Variants in CDK17 observed in about 807,000 individuals in gnomAD.
CDK17 encodes cyclin-dependent kinase 17.
Under a neutral mutation model 77.6 loss-of-function variants are expected in CDK17, and 24 were observed. The ratio of observed to expected loss-of-function variants is 0.31; its 90% CI spans 0.22 to 0.44. The LOEUF (loss-of-function observed/expected upper bound fraction) is 0.44. Ranked by LOEUF, CDK17 falls within the 20% of genes least tolerant of loss-of-function variation. The pLI, the probability that CDK17 is intolerant of heterozygous loss-of-function variation, is 1.00. For synonymous variants in CDK17, 203 were observed against 210.4 expected (o/e 0.96, Z 0.30); for missense variants, 429 against 622.5 (o/e 0.69, Z 3.31).
At chr12:96,326,146 A>G (rs2137129272) in intron 2 of CDK17, among the ~76,000 whole-genome samples, 1 of 152,350 alleles carries the variant, frequency 6.6e-6, no homozygotes, top group Admixed American at 6.5e-5. Flanking sequence ...ACAACATTTT[A>G]GTTGCTCTGT....
Position 96,280,434 on chromosome 12 carries a change from G to A in CDK17, c.1535-155C>T, listed in dbSNP as rs1396364898. The A allele has an allele frequency of 1.5e-5, 21 of 1,436,102 alleles. No homozygotes were observed. The East Asian group carries it at 1.5e-4, about 10-fold the overall frequency. The allele number at this position is 1,436,102 out of a possible 1,614,324, so 89.0% of individuals were successfully genotyped here. On this transcript the variant is annotated intron_variant, in intron 16 of 16. Transcript: ENST00000261211. The stretch of plus-strand genomic sequence containing the variant: ...TGTCTTAAATGACCCTTCTGTTGAC[G>A]GGGTCAGTCTACAGCTTCTATGCTT...
At chr12:96,295,598 G>T (rs186081100) in intron 9 of CDK17, among the ~76,000 whole-genome samples, 1 of 151,872 alleles carries the variant, frequency 6.6e-6, no homozygotes. Flanking sequence ...CACTGGAATT[G>T]GCGATTTTAT....
chr12:96,381,703 A>C (rs1282435765), intron 1 of CDK17, among the ~76,000 whole-genome samples: 2 of 152,092 alleles, frequency 1.3e-5, no homozygotes, highest in African/African-American at 4.8e-5. Context: ...AAAATATATT[A>C]CAAAGCATTG....
chr12:96,365,079 AAATT>A (rs1404990200), intron 1 of CDK17, among the ~76,000 whole-genome samples: 2 of 152,210 alleles, frequency 1.3e-5, no homozygotes, highest in Non-Finnish European at 2.9e-5. Flanking sequence ...TTATCCATAA[AAATT>A]AAAGAGTTTT....
intron 1 of CDK17, among the ~76,000 whole-genome samples, chr12:96,389,700 T>C (rs1954036249): frequency 6.6e-6 from 1 of 152,192 alleles, no homozygotes; most frequent in Middle Eastern, 3.2e-3. Context: ...TCCCACAAAT[T>C]ATGAAAATTC....
At chr12:96,379,063 G>T (rs899405620) in intron 1 of CDK17, among the ~76,000 whole-genome samples, 4 of 151,726 alleles carry the variant, frequency 2.6e-5, no homozygotes, top group South Asian at 2.1e-4. Context: ...GAAAGAAAAA[G>T]ATATTAATTT....
At chr12:96,399,805 G>A (rs1206804518) in intron 1 of CDK17, among the ~76,000 whole-genome samples, 181 bp downstream of exon 1, 5 of 151,914 alleles carry the variant, frequency 3.3e-5, no homozygotes. Context: ...CTGGACCGGA[G>A]AGGTGACAGG....
At chr12:96,300,116 T>C (rs574495899) in intron 6 of CDK17, among the ~76,000 whole-genome samples, 188 bp downstream of exon 6, 2 of 152,274 alleles carry the variant, frequency 1.3e-5, no homozygotes, top group Admixed American at 6.5e-5. Context: ...CCTCTCAAAC[T>C]GATGGGATAA....
chr12:96,399,438 C>T (rs576341666), intron 1 of CDK17: 7 of 152,710 alleles, frequency 4.6e-5, no homozygotes, highest in African/African-American at 1.2e-4. Context: ...GGCTCCTCCT[C>T]CTCCTCCGCG....
chr12:96,324,062 AG>A lies in CDK17; in HGVS notation c.168del (p.Phe57SerfsTer38). ...GRPPTSHSMH[S>X]FLHQYTGSFK... ...AAAGATCCTGTGTACTGGTGGAGGAAGGAATGCATACTGTGAGACGTTGGAG... is the reference window on the plus strand; with the variant it reads ...AAAGATCCTGTGTACTGGTGGAGGAAGAATGCATACTGTGAGACGTTGGAG... On this transcript the variant is annotated frameshift_variant, in exon 3 of 17. Coordinates refer to ENST00000261211, the MANE Select transcript of CDK17 (RefSeq NM_002595.5). LOFTEE classifies it high-confidence loss of function. 1 of 1,610,994 alleles carries A rather than the reference AG, an allele frequency of 6.2e-7. No homozygotes were observed. Among genetic ancestry groups the A allele is most frequent in the Non-Finnish European group, 8.5e-7 (1 of 1,178,616 alleles).
chr12:96,300,117 GATGGGAT>G (rs1952475654), intron 6 of CDK17, among the ~76,000 whole-genome samples, 180 bp downstream of exon 6: 1 of 152,098 alleles, frequency 6.6e-6, no homozygotes, highest in Non-Finnish European at 1.5e-5. Flanking sequence ...CTCTCAAACT[GATGGGAT>G]AATTTCAAGA....
chr12:96,301,170 A>T (rs958204770), intron 5 of CDK17, among the ~76,000 whole-genome samples: 5 of 150,474 alleles, frequency 3.3e-5, no homozygotes, highest in Non-Finnish European at 5.9e-5. Flanking sequence ...TCTTCTATGG[A>T]TCAGGAAGTG....
intron 3 of CDK17, among the ~76,000 whole-genome samples, chr12:96,314,352 T>A (rs987545188): frequency 2.0e-5 from 3 of 150,802 alleles, no homozygotes; most frequent in Admixed American, 1.3e-4. Flanking sequence ...TCACATCTGG[T>A]GTTTTGTTTT....
chr12:96,398,066 T>G (rs1474064329), intron 1 of CDK17, among the ~76,000 whole-genome samples: 1 of 152,226 alleles, frequency 6.6e-6, no homozygotes, highest in African/African-American at 2.4e-5. Flanking sequence ...GTGTTTTATT[T>G]TCACTGTAAA....
rs574651142 is a variant in CDK17, at chr12:96,377,801, C to T, written c.-30+22185G>A. 1.0e-3 allele frequency among the ~76,000 whole-genome samples: 155 copies of T among 148,878 alleles called. 1 individual carries two copies. The highest frequency in any genetic ancestry group is 1.3e-3 in the Non-Finnish European group (85 of 67,652). On this transcript the variant is annotated intron_variant, in intron 1 of 16. Coordinates refer to ENST00000261211, the MANE Select transcript of CDK17 (RefSeq NM_002595.5). ...CTCCCCCTCCCGGGTTCACGCCATTCTCCTGCCTCAGCCTCCCAAGTAGCT... is the reference window on the plus strand; with the variant it reads ...CTCCCCCTCCCGGGTTCACGCCATTTTCCTGCCTCAGCCTCCCAAGTAGCT...
intron 8 of CDK17, 65 bp downstream of exon 8, chr12:96,297,562 A>G (rs2137081618): frequency 1.8e-6 from 2 of 1,113,384 alleles, no homozygotes; most frequent in Middle Eastern, 2.5e-4. Flanking sequence ...AAAACAAACT[A>G]AAAGTCCAAT....
chr12:96,327,503 C>T (rs1952906853), intron 2 of CDK17, among the ~76,000 whole-genome samples: 1 of 152,156 alleles, frequency 6.6e-6, no homozygotes, highest in Non-Finnish European at 1.5e-5. Context: ...CTCCTACCAC[C>T]CAGCTTTTAG....
Position 96,400,012 on chromosome 12 carries a change from G to T in CDK17, c.-56C>A. 1 of 384,152 alleles carries T rather than the reference G, an allele frequency of 2.6e-6. No homozygotes were observed. The highest frequency in any genetic ancestry group is 3.7e-5 in the East Asian group (1 of 26,908). The allele number at this position is 384,152 out of a possible 1,614,324, so 23.8% of individuals were successfully genotyped here. ...AGCAAGAGCGGGGACCGCGGGTCCC[G>T]AGGCGAGGCGAAGAGAGGCGCGGGG... is the stretch of plus-strand genomic sequence containing the variant. On this transcript the variant is annotated 5_prime_UTR_variant, in exon 1 of 17. Coordinates refer to ENST00000261211, the MANE Select transcript of CDK17 (RefSeq NM_002595.5).
intron 1 of CDK17, among the ~76,000 whole-genome samples, chr12:96,336,684 C>T (rs527958484): frequency 3.9e-5 from 6 of 152,156 alleles, no homozygotes; most frequent in Admixed American, 2.0e-4. Context: ...TTTCTACTAA[C>T]GTATCCTCCA....
Sources: gnomAD v4.1 joint callset for allele counts (sites outside exome capture counted in the v4.1 genomes callset) on GRCh38, gnomAD v4.1.1 for gene constraint, MANE v1.5 for transcripts, NCBI Gene and HGNC (gene_info 2026-07-23, HGNC 2026-07-21) for gene names.